The following CTNNA2 variants were observed in gnomAD, a reference collection of about 807,000 sequenced individuals.
CTNNA2 encodes the protein catenin alpha-2.
CTNNA2 carries 42 observed loss-of-function variants against 101.0 expected under a neutral mutation model. The observed-to-expected ratio is 0.42, with a 90% CI of 0.32 to 0.54. The LOEUF is 0.54. CTNNA2 is among the 20% of genes least tolerant of loss of function. The probability of loss-of-function intolerance (pLI) is 0.14; values close to 1 mark genes in which losing one functional copy is unlikely to be tolerated. For synonymous variants in CTNNA2, 450 were observed against 456.4 expected, an observed-to-expected ratio of 0.99 and a Z score of 0.18; for missense variants, 871 against 1,223.1, an observed-to-expected ratio of 0.71 and a Z score of 4.29.
intron 2 of CTNNA2, among the ~76,000 whole-genome samples, chr2:79,279,978 G>T (rs914017006): frequency 6.6e-6 from 1 of 152,056 alleles, no homozygotes; most frequent in Non-Finnish European, 1.5e-5. Context: ...TCCTGAAAAT[G>T]TATTCAACCT....
intron 7 of CTNNA2, among the ~76,000 whole-genome samples, chr2:80,027,195 A>G (rs546260502): frequency 6.6e-6 from 1 of 152,318 alleles, no homozygotes; most frequent in East Asian, 1.9e-4. Context: ...GAACAGATCC[A>G]CCTTCAGGAG....
intron 4 of CTNNA2, among the ~76,000 whole-genome samples, chr2:79,410,808 G>A (rs1573153113): frequency 6.6e-6 from 1 of 151,334 alleles, no homozygotes; most frequent in Non-Finnish European, 1.5e-5. Flanking sequence ...GATGATGCTG[G>A]CCTCATAAAA....
chr2:80,189,559 G>A (rs1362468843), intron 7 of CTNNA2, among the ~76,000 whole-genome samples: 1 of 152,150 alleles, frequency 6.6e-6, no homozygotes, highest in Non-Finnish European at 1.5e-5. Flanking sequence ...GTAGCCTTCA[G>A]GATCACATTG....
chr2:80,246,813 C>T (rs770360414), intron 7 of CTNNA2, among the ~76,000 whole-genome samples: 2 of 152,142 alleles, frequency 1.3e-5, no homozygotes, highest in Non-Finnish European at 1.5e-5. Context: ...TATTCCCTAG[C>T]CTTAGCTCCA....
At chr2:79,816,598 C>A (rs1677522091) in intron 3 of CTNNA2, among the ~76,000 whole-genome samples, 1 of 152,138 alleles carries the variant, frequency 6.6e-6, no homozygotes, top group Non-Finnish European at 1.5e-5. Flanking sequence ...GTTCAAAGAT[C>A]AACCCCGAGG....
At chr2:79,441,922 T>G (rs2104519072) in intron 4 of CTNNA2, among the ~76,000 whole-genome samples, 2 of 152,264 alleles carry the variant, frequency 1.3e-5, no homozygotes, top group Middle Eastern at 3.4e-3. Flanking sequence ...TGCTAAACCA[T>G]CTCCATAAAA....
intron 7 of CTNNA2, among the ~76,000 whole-genome samples, chr2:80,349,466 G>A (rs1372227112): frequency 6.6e-6 from 1 of 152,080 alleles, no homozygotes; most frequent in Admixed American, 6.6e-5. Flanking sequence ...TCCTGGTAGG[G>A]GAGTTCTGGC....
At chr2:79,296,201 G>A (rs926019628) in intron 2 of CTNNA2, among the ~76,000 whole-genome samples, 3 of 152,060 alleles carry the variant, frequency 2.0e-5, no homozygotes. Flanking sequence ...CAATGTTAAA[G>A]AACATTTCCC....
At chr2:79,762,909 C>G (rs1281393944) in intron 3 of CTNNA2, among the ~76,000 whole-genome samples, 1 of 152,152 alleles carries the variant, frequency 6.6e-6, no homozygotes, top group Admixed American at 6.5e-5. Context: ...ATGAGTATCT[C>G]CTATTCTAGG....
chr2:79,812,876 C>T (rs994791118), intron 3 of CTNNA2, among the ~76,000 whole-genome samples: 2 of 152,102 alleles, frequency 1.3e-5, no homozygotes, highest in Non-Finnish European at 2.9e-5. Flanking sequence ...TTCCCTGGAA[C>T]GTCCTATGTC....
chr2:80,549,811 C>CT (rs1692413825), intron 11 of CTNNA2, among the ~76,000 whole-genome samples: 1 of 152,150 alleles, frequency 6.6e-6, no homozygotes, highest in Admixed American at 6.6e-5. Flanking sequence ...TGCCTGCTGC[C>CT]TATAGGCCAC....
intron 6 of CTNNA2, among the ~76,000 whole-genome samples, chr2:79,899,800 G>C (rs1352354464): frequency 6.6e-6 from 1 of 152,192 alleles, no homozygotes; most frequent in Non-Finnish European, 1.5e-5. Flanking sequence ...ATGGTGGTTA[G>C]AATTTTTCTG....
At chr2:79,917,199 G>A (rs1327447493) in intron 7 of CTNNA2, among the ~76,000 whole-genome samples, 1 of 151,996 alleles carries the variant, frequency 6.6e-6, no homozygotes, top group Non-Finnish European at 1.5e-5. Context: ...AGCCTGCCGA[G>A]TAGCTGGGAC....
intron 4 of CTNNA2, among the ~76,000 whole-genome samples, chr2:79,414,299 T>C (rs569237668): frequency 3.3e-5 from 5 of 152,112 alleles, no homozygotes; most frequent in African/African-American, 9.6e-5. Context: ...GGTAAGGGAA[T>C]TAAGCATGAA....
At chr2:80,387,473 G>A (rs975069589) in intron 7 of CTNNA2, among the ~76,000 whole-genome samples, 15 of 152,116 alleles carry the variant, frequency 9.9e-5, no homozygotes, top group Admixed American at 2.0e-4. Context: ...CAGTGGGGTG[G>A]GGATCCTTGT....
chr2:80,216,800 A>G (rs1302185502), intron 7 of CTNNA2, among the ~76,000 whole-genome samples: 1 of 152,056 alleles, frequency 6.6e-6, no homozygotes, highest in African/African-American at 2.4e-5. Flanking sequence ...ATAATCAGGA[A>G]ATATTTCTCC....
At chr2:80,575,887 C>T (rs181069428) in intron 13 of CTNNA2, among the ~76,000 whole-genome samples, 1 of 152,268 alleles carries the variant, frequency 6.6e-6, no homozygotes, top group Admixed American at 6.5e-5. Context: ...ACGGATTTCA[C>T]ACCACTTAAA....
intron 4 of CTNNA2, among the ~76,000 whole-genome samples, chr2:79,395,908 C>T (rs1678224396): frequency 6.6e-6 from 1 of 152,116 alleles, no homozygotes; most frequent in South Asian, 2.1e-4. Flanking sequence ...CTCCGTGTGA[C>T]AAATAACAAT....
intron 7 of CTNNA2, among the ~76,000 whole-genome samples, chr2:80,122,794 G>A (rs560548007): frequency 2.9e-4 from 44 of 152,128 alleles, no homozygotes; most frequent in Non-Finnish European, 4.6e-4. Context: ...AGTCCCTGCC[G>A]TTGGGTGGCT....
Sources: allele counts gnomAD v4.1 joint callset (sites outside exome capture counted in the v4.1 genomes callset), GRCh38; gene constraint gnomAD v4.1.1; transcripts MANE v1.5; gene names NCBI Gene and HGNC (gene_info 2026-07-23, HGNC 2026-07-21).